The following IRF2BP2 variants were observed in gnomAD, a reference collection of about 807,000 sequenced individuals.
The protein encoded by IRF2BP2 is interferon regulatory factor 2 binding protein 2.
A neutral mutation model predicts 32.7 loss-of-function variants in IRF2BP2; 13 were observed. The observed-to-expected ratio is 0.40, with a 90% confidence interval of 0.26 to 0.63. The LOEUF (loss-of-function observed/expected upper bound fraction) is 0.63. IRF2BP2 is among the 30% of genes least tolerant of loss of function. The pLI is 0.42. For missense variants in IRF2BP2, 980 were observed against 830.6 expected (o/e 1.18, Z -2.21); for synonymous variants, 555 against 384.6 (o/e 1.44, Z -5.18).
Position 234,606,903 on chromosome 1 carries a change from CAA to C in IRF2BP2, c.*232_*233del, listed in dbSNP as rs1197444709. ...TAACTGTCACCAGGATAATAAAGCACAAAGATATGCTAATAACGTTAACAAAA... is the reference window on the plus strand; with the variant it reads ...TAACTGTCACCAGGATAATAAAGCACAGATATGCTAATAACGTTAACAAAA... On this transcript the variant is annotated 3_prime_UTR_variant, in exon 2 of 2. Coordinates refer to ENST00000366609, the MANE Select transcript of IRF2BP2 (RefSeq NM_182972.3). 6 of 387,720 alleles carry C rather than the reference CAA, an allele frequency of 1.5e-5. No individual in the cohort carries two copies. The highest frequency in any genetic ancestry group is 1.4e-3 in the Middle Eastern group (2 of 1,436). 24.0% of individuals were successfully genotyped at this position (387,720 alleles called of 1,614,324 possible). A position where few individuals can be genotyped will look rare whatever the true frequency, so the allele number is the denominator to read the frequency against.
chr1:234,607,744 C>T lies in IRF2BP2; in HGVS notation c.1157G>A (p.Gly386Glu), dbSNP rs1038849753. Residue 386 changes from glycine to glutamate, a missense_variant, in exon 2 of 2, where the codon GGG becomes GAG. Physicochemically the swap from Gly to Glu is moderately conservative, Grantham distance 98. Transcript: ENST00000366609. ...AQPWLSTSTEGLKIPMTPTSS... is the reference protein window; with the variant it reads ...AQPWLSTSTEELKIPMTPTSS... The stretch of plus-strand genomic sequence containing the variant: ...TGTAGGAGTCATGGGGATCTTGAGC[C>T]CCTCTGTGGATGTGGACAGCCACGG... 2 of 1,614,126 alleles carry T rather than the reference C, an allele frequency of 1.2e-6. No homozygotes were observed. Among genetic ancestry groups the T allele is most frequent in the African/African-American group, 1.3e-5 (1 of 75,044 alleles).
rs184723286 is a variant in IRF2BP2 at position 234,606,734 on chromosome 1, C to T, written c.*403G>A. On this transcript the variant is annotated 3_prime_UTR_variant, in exon 2 of 2. Coordinates refer to ENST00000366609, the MANE Select transcript of IRF2BP2 (RefSeq NM_182972.3). ...GGGGCCAGCAATAAGGAATGACAGA[C>T]AGTAAGGCAATCTTACAATGTCAGA... 38 of 157,796 alleles carry T rather than the reference C, an allele frequency of 2.4e-4. No individual in the cohort carries two copies. The East Asian group carries it at 4.9e-3, about 20-fold the overall frequency. 9.8% of individuals were successfully genotyped at this position (157,796 alleles called of 1,614,324 possible).
rs1261950407 is a variant in IRF2BP2, at chr1:234,607,551, A to G, written c.1350T>C (p.Thr450=). Residue 450 remains threonine, a synonymous_variant, in exon 2 of 2, where the codon ACT becomes ACC. Transcript: ENST00000366609. The part of the protein sequence containing the change: ...ASKDANQVHS[T]TRRNSNSPPS... The stretch of plus-strand genomic sequence containing the variant: ...GCGGACTGTTGCTATTCCTCCTGGT[A>G]GTGGAGTGAACCTGGTTGGCATCTT... 1.2e-6 allele frequency: 2 copies of G among 1,614,054 alleles called. No individual in the cohort carries two copies. Among genetic ancestry groups the G allele is most frequent in the Non-Finnish European group, 1.7e-6 (2 of 1,180,040 alleles).
In IRF2BP2 at chr1:234,606,005, A is replaced by G. The variant is rs1046456961; in HGVS notation, c.*1132T>C. 4 of 152,170 alleles carry G rather than the reference A, an allele frequency of 2.6e-5. No homozygotes were observed. Among genetic ancestry groups the G allele is most frequent in the African/African-American group, 9.7e-5 (4 of 41,438 alleles). The allele number at this position is 152,170 out of a possible 1,614,324, so 9.4% of individuals were successfully genotyped here. ...GAAATTACAGGTTTCCTCCACCCAC[A>G]TTTGGGCTGTCACTGATATGCCCAA... On this transcript the variant is annotated 3_prime_UTR_variant, in exon 2 of 2. Coordinates refer to ENST00000366609, the MANE Select transcript of IRF2BP2 (RefSeq NM_182972.3).
chr1:234,606,829 T>C lies in IRF2BP2; in HGVS notation c.*308A>G. The C allele has an allele frequency of 4.7e-6, 1 of 211,970 alleles. No homozygotes were observed. The highest frequency in any genetic ancestry group is 1.2e-4 in the South Asian group (1 of 8,194). 13.1% of individuals were successfully genotyped at this position (211,970 alleles called of 1,614,324 possible). On this transcript the variant is annotated 3_prime_UTR_variant, in exon 2 of 2. Coordinates refer to ENST00000366609, the MANE Select transcript of IRF2BP2 (RefSeq NM_182972.3). Reference sequence around the variant, plus strand: ...AATACAGCTAGAAGCATTTCTGATTTGCCAAGTGCTCTAAAAAAGCAGCGC... The same window carrying C: ...AATACAGCTAGAAGCATTTCTGATTCGCCAAGTGCTCTAAAAAAGCAGCGC...
rs1672194226 is a variant in IRF2BP2 at position 234,607,450 on chromosome 1, C to T, written c.1451G>A (p.Gly484Glu). The T allele has an allele frequency of 2.5e-6, 4 of 1,614,056 alleles. No homozygotes were observed. The African/African-American group carries it at 4.0e-5, about 16-fold the overall frequency. Reference protein sequence around the residue: ...VGGQGAGNTGGLEPVHPASLP... With the variant: ...VGGQGAGNTGELEPVHPASLP... ...GCTGGCAGGGTGCACTGGCTCCAGT[C>T]CTCCTGTGTTGCCTGCTCCCTGGCC... Residue 484 changes from glycine to glutamate, a missense_variant, in exon 2 of 2, where the codon GGA (glycine) becomes GAA (glutamate). Coordinates refer to ENST00000366609, the MANE Select transcript of IRF2BP2 (RefSeq NM_182972.3).
At position 234,608,464 on chromosome 1, in the gene IRF2BP2, G is replaced by A. The variant is rs750307667; in HGVS notation, c.1031C>T (p.Ala344Val). The A allele has an allele frequency of 1.1e-5, 17 of 1,587,600 alleles. No homozygotes were observed. Among genetic ancestry groups the A allele is most frequent in the African/African-American group, 5.4e-5 (4 of 73,912 alleles). The change falls in exon 1 of 2, where the codon GCC becomes GTC. Residue 344 changes from alanine (A) to valine (V), a missense_variant. Physicochemically the swap from Ala to Val is moderately conservative, Grantham distance 64 (BLOSUM62 0). Coordinates refer to ENST00000366609, the MANE Select transcript of IRF2BP2 (RefSeq NM_182972.3). ...GCCCCTACCTGCTTTAGACCCGTTG[G>A]CCCCGTTGGCCTCGAAACCCAACAA... The part of the protein sequence containing the change: ...GRLLGFEANG[A>V]NGSKAVARTA...
rs887257219 is a variant in IRF2BP2, at chr1:234,608,115, A to G, written c.1049-263T>C. On this transcript the variant is annotated intron_variant, in intron 1 of 1. Transcript: ENST00000366609. ...TAACTGCCTGTTTGTACACATGCAC[A>G]AAAGTACCCTCGTTTGCACTCAACA... The G allele has an allele frequency of 2.0e-5, 11 of 542,742 alleles. No individual in the cohort carries two copies. In the South Asian group the frequency reaches 2.7e-4, roughly 13 times the overall value. The allele number at this position is 542,742 out of a possible 1,614,324, so 33.6% of individuals were successfully genotyped here. A position where few individuals can be genotyped will look rare whatever the true frequency, so the allele number is the denominator to read the frequency against.
At position 234,605,631 on chromosome 1, in the gene IRF2BP2, T is replaced by C. The variant is rs1010616712; in HGVS notation, c.*1506A>G. The C allele has an allele frequency of 6.6e-6, 1 of 152,244 alleles. No individual in the cohort carries two copies. The highest frequency in any genetic ancestry group is 1.5e-5 in the Non-Finnish European group (1 of 68,042). The allele number at this position is 152,244 out of a possible 1,614,324, so 9.4% of individuals were successfully genotyped here. A position where few individuals can be genotyped will look rare whatever the true frequency, so the allele number is the denominator to read the frequency against. ...AACCATACACATAAATTGTAGACCTTGAAGCCATAATTCAGCCTAATTATA... is the reference window on the plus strand; with the variant it reads ...AACCATACACATAAATTGTAGACCTCGAAGCCATAATTCAGCCTAATTATA... On this transcript the variant is annotated 3_prime_UTR_variant, in exon 2 of 2. Coordinates refer to ENST00000366609, the MANE Select transcript of IRF2BP2 (RefSeq NM_182972.3).
In IRF2BP2 at chr1:234,605,765, CTAA is replaced by C. The variant is rs1306603067; in HGVS notation, c.*1369_*1371del. On this transcript the variant is annotated 3_prime_UTR_variant, in exon 2 of 2. Transcript: ENST00000366609. ...CAGTATCACTGTGAGACAACTATTT[CTAA>C]TAATTGATGATTTATTGGTTTTAAA... 1 of 152,118 alleles carries C rather than the reference CTAA, an allele frequency of 6.6e-6. No individual in the cohort carries two copies. The highest frequency in any genetic ancestry group is 2.4e-5 in the African/African-American group (1 of 41,402). The allele number at this position is 152,118 out of a possible 1,614,324, so 9.4% of individuals were successfully genotyped here.
Position 234,609,006 on chromosome 1 carries a change from G to T in IRF2BP2, c.489C>A (p.Ser163=). ...TCAGCTCGGGCGGCTCCTCTAGCTT[G>T]GAGAAGCCGTTGGGCACCAGGATGC... ...VNGILVPNGF[S]KLEEPPELNR... Residue 163 remains serine (S), a synonymous_variant, in exon 1 of 2, where the codon TCC becomes TCA. Transcript: ENST00000366609. 1 of 1,337,688 alleles carries T rather than the reference G, an allele frequency of 7.5e-7. No individual in the cohort carries two copies. Among genetic ancestry groups the T allele is most frequent in the Non-Finnish European group, 9.5e-7 (1 of 1,049,176 alleles). 82.9% of individuals were successfully genotyped at this position (1,337,688 alleles called of 1,614,324 possible).
In IRF2BP2 at chr1:234,609,559, C is replaced by T; in HGVS notation, c.-65G>A. 1 of 988,688 alleles carries T rather than the reference C, an allele frequency of 1.0e-6. No individual in the cohort carries two copies. The highest frequency in any genetic ancestry group is 1.3e-6 in the Non-Finnish European group (1 of 741,998). The allele number at this position is 988,688 out of a possible 1,614,324, so 61.2% of individuals were successfully genotyped here. Reference sequence around the variant, plus strand: ...GGAGGAGGGGGCGCCGCCGCCGCCCCCCACCGGCACCACGCGCGCCCTCCT... The same window carrying T: ...GGAGGAGGGGGCGCCGCCGCCGCCCTCCACCGGCACCACGCGCGCCCTCCT... On this transcript the variant is annotated 5_prime_UTR_variant, in exon 1 of 2. Coordinates refer to ENST00000366609, the MANE Select transcript of IRF2BP2 (RefSeq NM_182972.3).
In IRF2BP2 at chr1:234,608,626, C is replaced by G; in HGVS notation, c.869G>C (p.Ser290Thr). Residue 290 changes from serine (S) to threonine (T), a missense_variant, in exon 1 of 2, where the codon AGC becomes ACC. Physicochemically the swap from Ser to Thr is moderately conservative, Grantham distance 58. Transcript: ENST00000366609. ...CCAGTCCTGCTCTCCAGACCCGCGG[C>G]TCTTGCCCGCACCTTCCGCGCTCAG... ...AELSAEGAGK[S>T]RGSGEQDWVN... 1.3e-6 allele frequency: 2 copies of G among 1,571,026 alleles called. No individual in the cohort carries two copies. The highest frequency in any genetic ancestry group is 2.3e-5 in the South Asian group (2 of 86,280).
In IRF2BP2 at chr1:234,608,500, G is replaced by A. The variant is rs779898463; in HGVS notation, c.995C>T (p.Thr332Ile). The change falls in exon 1 of 2, where the codon ACT (threonine) becomes ATT (isoleucine). Residue 332 changes from threonine (T) to isoleucine (I), a missense_variant. Thr to Ile is a moderately conservative substitution (Grantham distance 89). Coordinates refer to ENST00000366609, the MANE Select transcript of IRF2BP2 (RefSeq NM_182972.3). Reference sequence around the variant, plus strand: ...CTCGAAACCCAACAACCTGCCTGCAGTCAGGGCCGGCTCCTTCTTAAACTT... The same window carrying A: ...CTCGAAACCCAACAACCTGCCTGCAATCAGGGCCGGCTCCTTCTTAAACTT... ...ESKFKKEPALTAGRLLGFEAN... is the reference protein window; with the variant it reads ...ESKFKKEPALIAGRLLGFEAN... 3.3e-5 allele frequency: 53 copies of A among 1,608,610 alleles called. No individual in the cohort carries two copies. The highest frequency in any genetic ancestry group is 4.2e-5 in the Non-Finnish European group (50 of 1,177,750).
rs781598996 is a variant in IRF2BP2 at position 234,609,062 on chromosome 1, G to C, written c.433C>G (p.Pro145Ala). 7 of 1,270,844 alleles carry C rather than the reference G, an allele frequency of 5.5e-6. No homozygotes were observed. In the East Asian group the frequency reaches 1.5e-4, roughly 28 times the overall value. 78.7% of individuals were successfully genotyped at this position (1,270,844 alleles called of 1,614,324 possible). A position where few individuals can be genotyped will look rare whatever the true frequency, so the allele number is the denominator to read the frequency against. ...ACGGGCGGCGGCTGCGGCGTCGGCGGCTGGGCCAGGCTCGCTGCCGGGCGG... is the reference window on the plus strand; with the variant it reads ...ACGGGCGGCGGCTGCGGCGTCGGCGCCTGGGCCAGGCTCGCTGCCGGGCGG... ...SSRPAASLAQ[P>A]PTPQPPPVNG... Residue 145 changes from proline (P) to alanine (A), a missense_variant, in exon 1 of 2, where the codon CCG becomes GCG. Physicochemically the swap from Pro to Ala is conservative, Grantham distance 27. Transcript: ENST00000366609.
chr1:234,608,417 T>C (rs200514900), intron 1 of IRF2BP2, 30 bp downstream of exon 1: 231 of 1,450,174 alleles, frequency 1.6e-4, no homozygotes, highest in Middle Eastern at 1.3e-3. Context: ...TTTTCTCCCC[T>C]AGACCCCCTC....
At position 234,606,317 on chromosome 1, in the gene IRF2BP2, T is replaced by G. The variant is rs1672158476; in HGVS notation, c.*820A>C. Reference sequence around the variant, plus strand: ...TGCAGAGCTGGGCTCTGCTCAAAGATGGCAGTGCCATCTTGTACACACCAC... The same window carrying G: ...TGCAGAGCTGGGCTCTGCTCAAAGAGGGCAGTGCCATCTTGTACACACCAC... On this transcript the variant is annotated 3_prime_UTR_variant, in exon 2 of 2. Coordinates refer to ENST00000366609, the MANE Select transcript of IRF2BP2 (RefSeq NM_182972.3). 1 of 152,200 alleles carries G rather than the reference T, an allele frequency of 6.6e-6. No individual in the cohort carries two copies. Among genetic ancestry groups the G allele is most frequent in the African/African-American group, 2.4e-5 (1 of 41,456 alleles). The allele number at this position is 152,200 out of a possible 1,614,324, so 9.4% of individuals were successfully genotyped here.
chr1:234,608,926 G>C lies in IRF2BP2; in HGVS notation c.569C>G (p.Pro190Arg), dbSNP rs1558309544. Residue 190 changes from proline to arginine, a missense_variant, in exon 1 of 2, where the codon CCG becomes CGG. Pro to Arg is a moderately radical substitution (Grantham distance 103). Transcript: ENST00000366609. ...CGGCGTGGCCGAGCCGTTCATGAGC[G>C]GCACCAGGGTGGGCGGCACCGCGTG... is the stretch of plus-strand genomic sequence containing the variant. The part of the protein sequence containing the change: ...RGHAVPPTLV[P>R]LMNGSATPLP... The C allele has an allele frequency of 2.9e-6, 4 of 1,367,740 alleles. No individual in the cohort carries two copies. The highest frequency in any genetic ancestry group is 1.5e-5 in the African/African-American group (1 of 66,304). The allele number at this position is 1,367,740 out of a possible 1,614,324, so 84.7% of individuals were successfully genotyped here.
chr1:234,609,452 A>T lies in IRF2BP2; in HGVS notation c.43T>A (p.Ser15Thr). Residue 15 changes from serine (S) to threonine (T), a missense_variant, in exon 1 of 2, where the codon TCG (serine) becomes ACG (threonine). Transcript: ENST00000366609. ...VAVAAASRRQ[S>T]CYLCDLPRMP... ...CGGGGCAGGTCACACAGGTAGCACG[A>T]CTGCCGCCGGGACGCGGCCGCCACC... is the stretch of plus-strand genomic sequence containing the variant. The T allele has an allele frequency of 6.5e-7, 1 of 1,533,970 alleles. No homozygotes were observed. The highest frequency in any genetic ancestry group is 8.7e-7 in the Non-Finnish European group (1 of 1,143,046).
Sources: gnomAD v4.1 joint callset for allele counts on GRCh38, gnomAD v4.1.1 for gene constraint, MANE v1.5 for transcripts, NCBI Gene and HGNC (gene_info 2026-07-23, HGNC 2026-07-21) for gene names.